The following PKIB variants were observed in gnomAD, a reference collection of about 807,000 sequenced individuals.
PKIB encodes PKI-beta.
PKIB carries 2 observed loss-of-function variants against 4.5 expected under a neutral mutation model. That is an observed-to-expected ratio of 0.44 (90% CI 0.18 to 1.39). The LOEUF is 1.39. Among genes scored for constraint, PKIB ranks in the 40% most tolerant of loss-of-function variants. The probability of loss-of-function intolerance (pLI) is 0.27; values close to 1 mark genes in which losing one functional copy is unlikely to be tolerated. For missense variants in PKIB, 94 were observed against 92.6 expected, an observed-to-expected ratio of 1.02 and a Z score of -0.06; for synonymous variants, 38 against 36.0, an observed-to-expected ratio of 1.06 and a Z score of -0.20.
intron 3 of PKIB, among the ~76,000 whole-genome samples, chr6:122,693,383 C>T (rs554395523): frequency 1.3e-5 from 2 of 152,294 alleles, no homozygotes; most frequent in African/African-American, 2.4e-5. Flanking sequence ...GCTGAGTCAG[C>T]TTTTTAGTAT....
intron 3 of PKIB, among the ~76,000 whole-genome samples, chr6:122,590,581 A>G (rs1048538454): frequency 1.3e-5 from 2 of 152,194 alleles, no homozygotes; most frequent in East Asian, 1.9e-4. Context: ...GCAGACTGCA[A>G]AATGATAGCC....
At chr6:122,703,717 C>T (rs1778925243) in intron 3 of PKIB, among the ~76,000 whole-genome samples, 1 of 151,040 alleles carries the variant, frequency 6.6e-6, no homozygotes, top group Non-Finnish European at 1.5e-5. Flanking sequence ...GATGCAGGTG[C>T]CGTTCTTATG....
At position 122,681,891 on chromosome 6, in the gene PKIB, T is replaced by C. The variant is rs1245132336; in HGVS notation, c.-9+6747T>C. Among the ~76,000 whole-genome samples the C allele has an allele frequency of 3.3e-5, 5 of 152,202 alleles. No individual in the cohort carries two copies. The South Asian group carries it at 1.0e-3, about 31-fold the overall frequency. On this transcript the variant is annotated intron_variant, in intron 3 of 4. Coordinates refer to ENST00000368452, the MANE Select transcript of PKIB (RefSeq NM_181795.3). ...GGATATGGCTTAAGAAAGCATGCGC[T>C]AATGTGTCAGCCTACAGCCCTCAAG...
chr6:122,679,107 A>G (rs997395916), intron 3 of PKIB, among the ~76,000 whole-genome samples: 25 of 152,174 alleles, frequency 1.6e-4, no homozygotes, highest in African/African-American at 6.0e-4. Context: ...CATCCCAAAC[A>G]AGGTGTTATG....
At chr6:122,523,262 T>A (rs1416518636) in intron 2 of PKIB, among the ~76,000 whole-genome samples, 1 of 152,208 alleles carries the variant, frequency 6.6e-6, no homozygotes, top group Non-Finnish European at 1.5e-5. Flanking sequence ...TGTTGTTTTG[T>A]CCTTCATTCT....
rs73768333 is a variant in PKIB, at chr6:122,591,022, A to T, written c.-161+5015A>T. 7.8e-3 allele frequency among the ~76,000 whole-genome samples: 1,136 copies of T among 146,032 alleles called. 11 individuals carry two copies. The highest frequency in any genetic ancestry group is 0.025 in the African/African-American group (1,012 of 40,170). ...TCTTTCACGAGTTTTGCCTTTTTTT[A>T]AAAAAAAAAACAGACAAACAAAAAA... On this transcript the variant is annotated intron_variant, in intron 3 of 6. Transcript: ENST00000392491.
intron 2 of PKIB, among the ~76,000 whole-genome samples, chr6:122,567,879 G>A (rs906304677): frequency 1.3e-5 from 2 of 152,148 alleles, no homozygotes; most frequent in African/African-American, 4.8e-5. Flanking sequence ...GAATGTCATT[G>A]GGAGGGTTAT....
chr6:122,496,677 A>AT (rs1186708110), intron 2 of PKIB, among the ~76,000 whole-genome samples: 1 of 152,162 alleles, frequency 6.6e-6, no homozygotes, highest in African/African-American at 2.4e-5. Context: ...TCAGACAAAA[A>AT]TTTTTAAAAA....
chr6:122,527,230 T>TTTTCCTTTCAGTAAGAAGGC (rs925965354), intron 2 of PKIB, among the ~76,000 whole-genome samples: 13 of 152,102 alleles, frequency 8.5e-5, no homozygotes, highest in African/African-American at 3.1e-4. Context: ...ACTCAAACTG[T>TTTTCCTTTCAGTAAGAAGGC]TTTCCTTTCA....
intron 3 of PKIB, among the ~76,000 whole-genome samples, chr6:122,690,932 A>ATATATT (rs1278838118): frequency 1.1e-4 from 15 of 138,778 alleles, no homozygotes; most frequent in African/African-American, 3.8e-4. Flanking sequence ...ATATATATAT[A>ATATATT]TTTTTTTTTT....
intron 2 of PKIB, among the ~76,000 whole-genome samples, chr6:122,532,131 A>G (rs770363430): frequency 3.4e-4 from 52 of 152,350 alleles, no homozygotes; most frequent in Middle Eastern, 3.4e-3. Flanking sequence ...AATGGTAGCT[A>G]TAATGTAGCT....
At chr6:122,668,395 A>G (rs530912189) in intron 2 of PKIB, among the ~76,000 whole-genome samples, 2 of 152,328 alleles carry the variant, frequency 1.3e-5, no homozygotes, top group South Asian at 4.1e-4. Flanking sequence ...AGAGAGAGGG[A>G]TATCAATTTC....
chr6:122,641,210 C>T (rs1776108377), intron 2 of PKIB, among the ~76,000 whole-genome samples: 1 of 152,100 alleles, frequency 6.6e-6, no homozygotes, highest in Non-Finnish European at 1.5e-5. Context: ...TAATATCACA[C>T]TTCTTTTCAA....
chr6:122,490,716 G>C (rs1468150427), intron 2 of PKIB, among the ~76,000 whole-genome samples: 1 of 152,154 alleles, frequency 6.6e-6, no homozygotes, highest in East Asian at 1.9e-4. Context: ...TTCGTGTACA[G>C]CCTGCAGAAC....
intron 2 of PKIB, among the ~76,000 whole-genome samples, chr6:122,544,072 A>G (rs1276759022): frequency 6.6e-6 from 1 of 152,046 alleles, no homozygotes; most frequent in Non-Finnish European, 1.5e-5. Flanking sequence ...TGTTTTATAA[A>G]TACCATAATC....
At chr6:122,576,494 C>T (rs1175182526) in intron 2 of PKIB, among the ~76,000 whole-genome samples, 2 of 151,068 alleles carry the variant, frequency 1.3e-5, no homozygotes, top group African/African-American at 4.9e-5. Flanking sequence ...TGGTGAAACC[C>T]CGTTTCTACT....
Position 122,629,625 on chromosome 6 carries a change from A to T in PKIB, c.-160-3658A>T, listed in dbSNP as rs2815584. On this transcript the variant is annotated intron_variant, in intron 1 of 4. Coordinates refer to ENST00000368452, the MANE Select transcript of PKIB (RefSeq NM_181795.3). ...TAACTTTTCAGTGGAGAAACCTGAC[A>T]AACACTATCTCATCAAGGTCAACAT... Among the ~76,000 whole-genome samples, 26 of 152,026 alleles carry T rather than the reference A, an allele frequency of 1.7e-4. No homozygotes were observed. The South Asian group carries it at 5.4e-3, about 32-fold the overall frequency.
At chr6:122,679,717 G>T (rs1777822314) in intron 3 of PKIB, among the ~76,000 whole-genome samples, 1 of 152,182 alleles carries the variant, frequency 6.6e-6, no homozygotes, top group African/African-American at 2.4e-5. Context: ...CAAAAGGAAG[G>T]TGATATTTCT....
At chr6:122,518,260 G>A (rs1776823516) in intron 2 of PKIB, among the ~76,000 whole-genome samples, 1 of 152,310 alleles carries the variant, frequency 6.6e-6, no homozygotes, top group East Asian at 1.9e-4. Flanking sequence ...GCAGTGGGCT[G>A]TATTTGGACT....
Sources: allele counts gnomAD v4.1 joint callset (sites outside exome capture counted in the v4.1 genomes callset), GRCh38; gene constraint gnomAD v4.1.1; transcripts MANE v1.5; gene names NCBI Gene and HGNC (gene_info 2026-07-23, HGNC 2026-07-21).